Variants in LGSN observed in about 807,000 individuals in gnomAD.
The protein encoded by LGSN is lengsin.
A neutral mutation model predicts 19.5 loss-of-function variants in LGSN; 21 were observed. That is an observed-to-expected ratio of 1.07 (90% confidence interval 0.76 to 1.55). LGSN has a LOEUF of 1.55. Among genes scored for constraint, LGSN ranks in the 40% most tolerant of loss-of-function variants. LGSN has a pLI of 0.00. For missense variants in LGSN, 673 were observed against 608.5 expected (o/e 1.11, Z -1.12); for synonymous variants, 257 against 215.6 (o/e 1.19, Z -1.68).
the LGSN span, among the ~76,000 whole-genome samples, chr6:63,360,784 G>A: frequency 6.6e-6 from 1 of 152,156 alleles, no homozygotes; most frequent in Non-Finnish European, 1.5e-5. Context: ...CATCTTTGTG[G>A]TTTTATCTAC....
chr6:63,536,603 A>T, the LGSN span, among the ~76,000 whole-genome samples: 1 of 152,190 alleles, frequency 6.6e-6, no homozygotes, highest in Non-Finnish European at 1.5e-5. Context: ...AAATTGATGT[A>T]TGACTTTATA....
At chr6:63,353,888 T>C in the LGSN span, among the ~76,000 whole-genome samples, 1 of 152,032 alleles carries the variant, frequency 6.6e-6, no homozygotes, top group Non-Finnish European at 1.5e-5. Flanking sequence ...AGAATATACA[T>C]TGGGAAAAGG....
the LGSN span, among the ~76,000 whole-genome samples, chr6:63,473,421 C>G: frequency 2.1e-5 from 3 of 142,358 alleles, no homozygotes; most frequent in African/African-American, 7.9e-5. Context: ...TTGCAGTGAG[C>G]CGAGATCATG....
the LGSN span, among the ~76,000 whole-genome samples, chr6:63,417,191 G>A: frequency 6.6e-6 from 1 of 152,200 alleles, no homozygotes; most frequent in Non-Finnish European, 1.5e-5. Context: ...ATTCCTATGA[G>A]AATCATCCTA....
chr6:63,330,662 A>G, the LGSN span, among the ~76,000 whole-genome samples: 2 of 152,294 alleles, frequency 1.3e-5, no homozygotes, highest in African/African-American at 2.4e-5. Context: ...CTAGAACACA[A>G]GTCAACAGAT....
At chr6:63,443,061 G>A in the LGSN span, among the ~76,000 whole-genome samples, 1 of 152,212 alleles carries the variant, frequency 6.6e-6, no homozygotes, top group Non-Finnish European at 1.5e-5. Flanking sequence ...CTCAGGCATG[G>A]CAGGCTGCAG....
At chr6:63,404,161 ACTC>A in the LGSN span, among the ~76,000 whole-genome samples, 2 of 152,168 alleles carry the variant, frequency 1.3e-5, no homozygotes, top group Non-Finnish European at 1.5e-5. Context: ...CCATGCCCAG[ACTC>A]CTAGAAGATG....
chr6:63,555,438 C>G, the LGSN span, among the ~76,000 whole-genome samples: 1 of 152,202 alleles, frequency 6.6e-6, no homozygotes, highest in Admixed American at 6.5e-5. Flanking sequence ...CTCCCTTTCT[C>G]CAGTGTCTTC....
chr6:63,327,498 G>T, the LGSN span, among the ~76,000 whole-genome samples: 1 of 152,210 alleles, frequency 6.6e-6, no homozygotes, highest in African/African-American at 2.4e-5. Context: ...CTAAGAAGGT[G>T]CAGAGTCCTC....
the LGSN span, among the ~76,000 whole-genome samples, chr6:63,405,671 T>C: frequency 6.6e-6 from 1 of 152,122 alleles, no homozygotes; most frequent in Non-Finnish European, 1.5e-5. Context: ...AATTCACACA[T>C]AACAATATTA....
intron 1 of LGSN, among the ~76,000 whole-genome samples, chr6:63,302,085 G>A (rs1768203276): frequency 1.3e-5 from 2 of 151,930 alleles, no homozygotes; most frequent in Admixed American, 1.3e-4. Flanking sequence ...AGGCTTATTT[G>A]ATATGTTAAA....
At chr6:63,473,185 T>C in the LGSN span, among the ~76,000 whole-genome samples, 2 of 151,346 alleles carry the variant, frequency 1.3e-5, no homozygotes, top group South Asian at 4.2e-4. Context: ...AAAAAATCTT[T>C]TAGTAGGCCA....
chr6:63,393,047 C>T, the LGSN span, among the ~76,000 whole-genome samples: 120 of 151,816 alleles, frequency 7.9e-4, no homozygotes, highest in African/African-American at 2.7e-3. Context: ...CCACCACGCC[C>T]GGCTAATTTT....
chr6:63,312,596 C>A (rs956459358), intron 1 of LGSN, among the ~76,000 whole-genome samples: 4 of 152,088 alleles, frequency 2.6e-5, no homozygotes, highest in Admixed American at 6.6e-5. Context: ...TAGTCCCAGG[C>A]ATTATGATCT....
chr6:63,284,211 G>C (rs1016998814), intron 3 of LGSN, among the ~76,000 whole-genome samples: 1 of 152,144 alleles, frequency 6.6e-6, no homozygotes, highest in African/African-American at 2.4e-5. Flanking sequence ...AAATAGGGAA[G>C]TTAGTTATTA....
chr6:63,547,652 C>T, the LGSN span, among the ~76,000 whole-genome samples: 1 of 151,556 alleles, frequency 6.6e-6, no homozygotes, highest in South Asian at 2.1e-4. Context: ...ACTACAGGTG[C>T]CCACCACCAC....
rs778415440 is a variant in LGSN at position 63,293,843 on chromosome 6, G to C, written c.163+1070C>G. On this transcript the variant is annotated intron_variant, in intron 2 of 3. Transcript: ENST00000370657. ...TCCCTAATTTGTGGCACACCATTTG[G>C]TTTCTGATCCTCTCTGTAGTAATAA... 392 of 452,896 alleles carry C rather than the reference G, an allele frequency of 8.7e-4. 1 individual carries two copies. Among genetic ancestry groups the C allele is most frequent in the Non-Finnish European group, 1.5e-3 (347 of 225,532 alleles). The allele number at this position is 452,896 out of a possible 1,614,324, so 28.1% of individuals were successfully genotyped here.
At chr6:63,325,086 T>G in the LGSN span, among the ~76,000 whole-genome samples, 4 of 130,862 alleles carry the variant, frequency 3.1e-5, no homozygotes, top group African/African-American at 1.1e-4. Flanking sequence ...CCTAGAAGAC[T>G]GAGTGAAACT....
At chr6:63,543,917 T>C in the LGSN span, among the ~76,000 whole-genome samples, 1 of 152,226 alleles carries the variant, frequency 6.6e-6, no homozygotes, top group Non-Finnish European at 1.5e-5. Flanking sequence ...TCCCTTGTTA[T>C]TCTGTTTTTA....
Sources: allele counts gnomAD v4.1 joint callset (sites outside exome capture counted in the v4.1 genomes callset), GRCh38; gene constraint gnomAD v4.1.1; transcripts MANE v1.5; gene names NCBI Gene and HGNC (gene_info 2026-07-23, HGNC 2026-07-21).